The following TENT4B variants were observed in gnomAD, a reference collection of about 807,000 sequenced individuals.
TENT4B encodes PAP associated domain containing 5.
Under a neutral mutation model 75.0 loss-of-function variants are expected in TENT4B, and 10 were observed. The ratio of observed to expected loss-of-function variants is 0.13; its 90% CI spans 0.08 to 0.23. The LOEUF (loss-of-function observed/expected upper bound fraction) is 0.23. Among genes scored for constraint, TENT4B ranks in the 10% least tolerant of loss-of-function variants. The pLI is 1.00. For missense variants in TENT4B, 579 were observed against 893.8 expected (o/e 0.65, Z 4.49); for synonymous variants, 350 against 357.7 (o/e 0.98, Z 0.24).
intron 1 of TENT4B, among the ~76,000 whole-genome samples, chr16:50,198,783 A>G (rs2030447992): frequency 6.6e-6 from 1 of 152,202 alleles, no homozygotes; most frequent in African/African-American, 2.4e-5. Context: ...AACTACTTAT[A>G]GATTTTACAT....
chr16:50,176,814 C>T (rs2038320621), intron 1 of TENT4B, among the ~76,000 whole-genome samples: 1 of 151,470 alleles, frequency 6.6e-6, no homozygotes. Context: ...GCCTATAATT[C>T]TTTACGTATA....
intron 1 of TENT4B, among the ~76,000 whole-genome samples, chr16:50,207,014 A>C (rs1273005177): frequency 1.3e-5 from 2 of 148,802 alleles, no homozygotes; most frequent in Non-Finnish European, 3.0e-5. Context: ...ATTAATTTTG[A>C]GATTTTAATG....
chr16:50,153,638 C>T lies in TENT4B; in HGVS notation c.17C>T (p.Ala6Val). MDPRI[A>V]WFQPEQLGPS... Reference sequence around the variant, plus strand: ...CGCCGTTTGATGGATCCGAGGATCGCCTGGTTTCAGCCAGAGCAGCTCGGA... The same window carrying T: ...CGCCGTTTGATGGATCCGAGGATCGTCTGGTTTCAGCCAGAGCAGCTCGGA... Residue 6 changes from alanine to valine, a missense_variant, in exon 1 of 12, where the codon GCC (alanine) becomes GTC (valine). Physicochemically the swap from Ala to Val is moderately conservative, Grantham distance 64 (BLOSUM62 0). Around this residue, in one of 7 missense-constraint regions of TENT4B, gnomAD observed 253 missense variants for 270.1 expected, o/e 0.94. Coordinates refer to ENST00000561678, the MANE Select transcript of TENT4B (RefSeq NM_001365324.3). 2.0e-6 allele frequency: 2 copies of T among 1,007,782 alleles called. No individual in the cohort carries two copies. Among genetic ancestry groups the T allele is most frequent in the Non-Finnish European group, 2.4e-6 (2 of 845,924 alleles). The allele number at this position is 1,007,782 out of a possible 1,614,324, so 62.4% of individuals were successfully genotyped here.
At chr16:50,187,096 G>A (rs916443297) in intron 1 of TENT4B, among the ~76,000 whole-genome samples, 2 of 151,996 alleles carry the variant, frequency 1.3e-5, no homozygotes, top group Non-Finnish European at 2.9e-5. Context: ...ATGCACAAAA[G>A]CTTTCAATTT....
intron 1 of TENT4B, among the ~76,000 whole-genome samples, chr16:50,154,622 C>T (rs1052998251): frequency 6.6e-6 from 1 of 151,962 alleles, no homozygotes; most frequent in Non-Finnish European, 1.5e-5. Context: ...GCCCTCCACA[C>T]CTTTTTCCCC....
rs1332139173 is a variant in TENT4B, at chr16:50,153,321, C to T, written c.-301C>T. On this transcript the variant is annotated 5_prime_UTR_variant, in exon 1 of 12. Coordinates refer to ENST00000561678, the MANE Select transcript of TENT4B (RefSeq NM_001365324.3). ...GCCGCTCGCTCTTCTGTGGAGCCGC[C>T]GCCGCCGCCGCCGCCATTTGCACGG... Among the ~76,000 whole-genome samples the T allele has an allele frequency of 6.9e-6, 1 of 145,414 alleles. No homozygotes were observed. The highest frequency in any genetic ancestry group is 1.5e-5 in the Non-Finnish European group (1 of 65,546).
chr16:50,203,325 GGAGA>G (rs1173909902), intron 1 of TENT4B, among the ~76,000 whole-genome samples: 2 of 152,134 alleles, frequency 1.3e-5, no homozygotes, highest in African/African-American at 4.8e-5. Context: ...CACAAATAGA[GGAGA>G]GAGAGGGCTT....
chr16:50,153,115 C>T (rs1332076894), upstream of TENT4B: 1 of 1,143,996 alleles, frequency 8.7e-7, no homozygotes, highest in Non-Finnish European at 1.1e-6. Context: ...CTCTGTGACG[C>T]ACGGCGAGGC....
At chr16:50,173,393 G>A (rs2038243525) in intron 1 of TENT4B, among the ~76,000 whole-genome samples, 1 of 152,112 alleles carries the variant, frequency 6.6e-6, no homozygotes, top group South Asian at 2.1e-4. Flanking sequence ...TTTTTGTGTG[G>A]TCATGTTTTT....
At chr16:50,217,717 T>C in intron 5 of TENT4B, 54 bp downstream of exon 5, 2 of 1,108,176 alleles carry the variant, frequency 1.8e-6, no homozygotes, top group Admixed American at 2.9e-5. Flanking sequence ...AATTTTAAGA[T>C]TCTGTTGTGG....
intron 1 of TENT4B, among the ~76,000 whole-genome samples, chr16:50,166,780 ATTTTTTTTTTT>A (rs57856238): frequency 8.7e-6 from 1 of 115,280 alleles, no homozygotes; most frequent in Admixed American, 9.2e-5. Context: ...TGCCTGGCTA[ATTTTTTTTTTT>A]TTTTTTTTTT....
Position 50,231,061 on chromosome 16 carries a change from G to A in TENT4B, c.*1733G>A. ...ATAATGCTAAAGTAAGACCAAAACT[G>A]ATGTCATCACTGAAATTAACAATTT... is the stretch of plus-strand genomic sequence containing the variant. On this transcript the variant is annotated 3_prime_UTR_variant, in exon 12 of 12. Coordinates refer to ENST00000561678, the MANE Select transcript of TENT4B (RefSeq NM_001365324.3). The A allele has an allele frequency of 1.0e-6, 1 of 982,774 alleles. No individual in the cohort carries two copies. The highest frequency in any genetic ancestry group is 1.2e-6 in the Non-Finnish European group (1 of 827,174). 60.9% of individuals were successfully genotyped at this position (982,774 alleles called of 1,614,324 possible). A position where few individuals can be genotyped will look rare whatever the true frequency, so the allele number is the denominator to read the frequency against.
chr16:50,166,780 A>ATTT (rs57856238), intron 1 of TENT4B, among the ~76,000 whole-genome samples: 4 of 115,278 alleles, frequency 3.5e-5, no homozygotes, highest in South Asian at 2.8e-4. Flanking sequence ...TGCCTGGCTA[A>ATTT]TTTTTTTTTT....
chr16:50,189,428 A>C lies in TENT4B; in HGVS notation c.639-21895A>C, dbSNP rs2038597330. ...CCCTTTGATTATAAATGCTTTTGGC[A>C]CTTGTTTCTACTTTTTCCTAATGTT... On this transcript the variant is annotated intron_variant, in intron 1 of 11. Coordinates refer to ENST00000561678, the MANE Select transcript of TENT4B (RefSeq NM_001365324.3). Among the ~76,000 whole-genome samples, 3 of 152,140 alleles carry C rather than the reference A, an allele frequency of 2.0e-5. No homozygotes were observed. In the South Asian group the frequency reaches 6.2e-4, roughly 31 times the overall value.
At chr16:50,187,633 A>T (rs2038557979) in intron 1 of TENT4B, among the ~76,000 whole-genome samples, 1 of 152,134 alleles carries the variant, frequency 6.6e-6, no homozygotes, top group South Asian at 2.1e-4. Context: ...GTGGATATCC[A>T]GTTTTCCCAT....
chr16:50,200,330 C>T (rs1342687038), intron 1 of TENT4B, among the ~76,000 whole-genome samples: 1 of 149,508 alleles, frequency 6.7e-6, no homozygotes, highest in Non-Finnish European at 1.5e-5. Context: ...CATACCACTG[C>T]ACTGCTGCCT....
intron 1 of TENT4B, among the ~76,000 whole-genome samples, chr16:50,167,150 T>C (rs2038116717): frequency 6.6e-6 from 1 of 152,098 alleles, no homozygotes; most frequent in African/African-American, 2.4e-5. Flanking sequence ...TGGGCCACAT[T>C]AGAAGAAGAA....
chr16:50,153,229 GCC>G (rs2037802734), upstream of TENT4B, among the ~76,000 whole-genome samples: 1 of 128,864 alleles, frequency 7.8e-6, no homozygotes, highest in Non-Finnish European at 1.6e-5. Context: ...CAGAGGCCCC[GCC>G]CCGGGGCCGG....
intron 7 of TENT4B, 123 bp downstream of exon 7, chr16:50,223,510 A>AG (rs2031915790): frequency 8.8e-6 from 6 of 684,368 alleles, no homozygotes; most frequent in Non-Finnish European, 1.4e-5. Context: ...TTCTTTTTTC[A>AG]TCGAAATATT....
Sources: gnomAD v4.1 joint callset for allele counts (sites outside exome capture counted in the v4.1 genomes callset) on GRCh38, gnomAD v4.1.1 for gene constraint, gnomAD v4.1.1 regional missense constraint, MANE v1.5 for transcripts, NCBI Gene and HGNC (gene_info 2026-07-23, HGNC 2026-07-21) for gene names.